The following FUT8 variants were observed in gnomAD, a reference collection of about 807,000 sequenced individuals.
FUT8 encodes fucosyltransferase 8.
Under a neutral mutation model 71.3 loss-of-function variants are expected in FUT8, and 29 were observed. The ratio of observed to expected loss-of-function variants is 0.41; its 90% CI spans 0.30 to 0.55. The LOEUF (loss-of-function observed/expected upper bound fraction) is 0.55, where lower values mean the gene tolerates loss of function less well. FUT8 is among the 20% of genes least tolerant of loss of function. The pLI, the probability that FUT8 is intolerant of heterozygous loss-of-function variation, is 0.34. For synonymous variants in FUT8, 254 were observed against 239.3 expected, an observed-to-expected ratio of 1.06 and a Z score of -0.57; for missense variants, 544 against 702.1, an observed-to-expected ratio of 0.77 and a Z score of 2.55.
At chr14:65,361,807 C>CAAACAAACAAAT in the FUT8 span, among the ~76,000 whole-genome samples, 1 of 135,652 alleles carries the variant, frequency 7.4e-6, no homozygotes, top group African/African-American at 2.7e-5. Flanking sequence ...AACAAACAAA[C>CAAACAAACAAAT]AAATAAATAA....
At chr14:65,402,072 C>A in the FUT8 span, among the ~76,000 whole-genome samples, 1 of 151,948 alleles carries the variant, frequency 6.6e-6, no homozygotes, top group African/African-American at 2.4e-5. Context: ...TTTAAACAAG[C>A]CCCTCTTTCT....
intron 1 of FUT8, among the ~76,000 whole-genome samples, chr14:65,441,343 A>G (rs146044305): frequency 1.3e-5 from 2 of 152,340 alleles, no homozygotes; most frequent in East Asian, 1.9e-4. Context: ...TGTTTTCACA[A>G]ATTTTAGAAA....
intron 2 of FUT8, among the ~76,000 whole-genome samples, chr14:65,505,018 A>G (rs1001739558): frequency 5.3e-5 from 8 of 152,210 alleles, no homozygotes; most frequent in African/African-American, 1.9e-4. Context: ...TCTTACTGAG[A>G]CTACATTATT....
At chr14:65,402,124 G>A in the FUT8 span, among the ~76,000 whole-genome samples, 1 of 150,660 alleles carries the variant, frequency 6.6e-6, no homozygotes, top group African/African-American at 2.4e-5. Flanking sequence ...GCACTTTAAA[G>A]AGCTCAAGTA....
chr14:65,586,812 T>A (rs1887410487), intron 3 of FUT8, among the ~76,000 whole-genome samples: 1 of 152,214 alleles, frequency 6.6e-6, no homozygotes, highest in Admixed American at 6.5e-5. Flanking sequence ...AATAATTTCC[T>A]CTAATTTTGT....
At chr14:65,377,203 G>A in the FUT8 span, among the ~76,000 whole-genome samples, 1 of 152,106 alleles carries the variant, frequency 6.6e-6, no homozygotes, top group Non-Finnish European at 1.5e-5. Flanking sequence ...AATATGAAAA[G>A]CTTCTAGGTC....
intron 1 of FUT8, among the ~76,000 whole-genome samples, chr14:65,438,063 TATA>T (rs1321879380): frequency 6.6e-6 from 1 of 152,254 alleles, no homozygotes; most frequent in Non-Finnish European, 1.5e-5. Flanking sequence ...TATGGGCTTT[TATA>T]ATAATATGGA....
intron 2 of FUT8, among the ~76,000 whole-genome samples, chr14:65,498,286 C>A (rs2066591656): frequency 6.6e-6 from 1 of 152,034 alleles, no homozygotes; most frequent in Non-Finnish European, 1.5e-5. Flanking sequence ...CAATAAATTG[C>A]CTCACGTCAT....
rs544020857 is a variant in FUT8 at position 65,607,933 on chromosome 14, C to T, written c.204-8045C>T. The stretch of plus-strand genomic sequence containing the variant: ...CAAAAAAATTAGCTGGGTGTGGCGG[C>T]GCATGCCTGTAATCCCAGCTACTTG... On this transcript the variant is annotated intron_variant, in intron 3 of 10. Transcript: ENST00000673929. This position sits in a 1 kb window ranked among gnomAD's most constrained non-coding sequence, Gnocchi z 4.1. Among the ~76,000 whole-genome samples the T allele has an allele frequency of 9.2e-5, 14 of 151,728 alleles. No individual in the cohort carries two copies. Among genetic ancestry groups the T allele is most frequent in the African/African-American group, 2.7e-4 (11 of 41,456 alleles).
intron 7 of FUT8, among the ~76,000 whole-genome samples, chr14:65,670,289 A>G (rs1312521788): frequency 6.6e-6 from 1 of 152,158 alleles, no homozygotes; most frequent in Non-Finnish European, 1.5e-5. Flanking sequence ...TTGTTTTGTA[A>G]TCTTGGACAA....
At chr14:65,385,805 G>A in the FUT8 span, among the ~76,000 whole-genome samples, 1 of 151,880 alleles carries the variant, frequency 6.6e-6, no homozygotes, top group Non-Finnish European at 1.5e-5. Flanking sequence ...GTCTCCCAAA[G>A]TGCTAGGATT....
chr14:65,505,042 T>A (rs2066705625), intron 2 of FUT8, among the ~76,000 whole-genome samples: 1 of 152,244 alleles, frequency 6.6e-6, no homozygotes, highest in African/African-American at 2.4e-5. Context: ...GCTTTAGAGA[T>A]GATATAGTGG....
chr14:65,514,653 T>C (rs529170003), intron 2 of FUT8, among the ~76,000 whole-genome samples: 2 of 152,300 alleles, frequency 1.3e-5, no homozygotes, highest in African/African-American at 4.8e-5. Context: ...TCTTCACCGC[T>C]GAGTAGGTAT....
rs1463507592 is a variant in FUT8 at position 65,413,458 on chromosome 14, C to T, written c.-326+244C>T. ...GGTGAGGGGCGCCCGCCTCTCCAGC[C>T]GGGACGCGGAGCTGCGCCGCTGCTG... On this transcript the variant is annotated intron_variant, in intron 1 of 10. Coordinates refer to ENST00000673929, the MANE Select transcript of FUT8 (RefSeq NM_001371533.1). This position sits in a 1 kb window ranked among gnomAD's most constrained non-coding sequence, Gnocchi z 4.1. Among the ~76,000 whole-genome samples the T allele has an allele frequency of 6.6e-6, 1 of 150,514 alleles. No individual in the cohort carries two copies. Among genetic ancestry groups the T allele is most frequent in the South Asian group, 2.1e-4 (1 of 4,710 alleles).
intron 2 of FUT8, among the ~76,000 whole-genome samples, chr14:65,505,516 G>A (rs1186839876): frequency 6.6e-6 from 1 of 151,796 alleles, no homozygotes; most frequent in African/African-American, 2.4e-5. Context: ...GTTTCACCAT[G>A]TTAGCCAGGA....
chr14:65,706,110 ATAACT>A (rs1894539068), intron 7 of FUT8, among the ~76,000 whole-genome samples: 1 of 152,252 alleles, frequency 6.6e-6, no homozygotes, highest in Non-Finnish European at 1.5e-5. Context: ...CATCCTTAAA[ATAACT>A]TAATGAGTAA....
At chr14:65,677,163 T>TGCGCGCGCAC (rs1491411306) in intron 7 of FUT8, among the ~76,000 whole-genome samples, 3 of 113,250 alleles carry the variant, frequency 2.6e-5, no homozygotes, top group African/African-American at 8.6e-5. Context: ...CGCGCGCGCA[T>TGCGCGCGCAC]GCGCGCGCAC....
At chr14:65,698,289 A>T (rs1282245409) in intron 7 of FUT8, among the ~76,000 whole-genome samples, 1 of 152,212 alleles carries the variant, frequency 6.6e-6, no homozygotes, top group African/African-American at 2.4e-5. Flanking sequence ...ATGCTCAAAG[A>T]TCATTCTTTG....
At chr14:65,621,980 T>A (rs777084204) in intron 5 of FUT8, among the ~76,000 whole-genome samples, 1 of 151,806 alleles carries the variant, frequency 6.6e-6, no homozygotes, top group Non-Finnish European at 1.5e-5. Flanking sequence ...CACGCCACCA[T>A]GCCTGGCTAA....
Sources: gnomAD v4.1 joint callset for allele counts (sites outside exome capture counted in the v4.1 genomes callset) on GRCh38, gnomAD v4.1.1 for gene constraint, Gnocchi (gnomAD v3.1) non-coding constraint, MANE v1.5 for transcripts, NCBI Gene and HGNC (gene_info 2026-07-23, HGNC 2026-07-21) for gene names.